Variants in TAFA5 observed in about 807,000 individuals in gnomAD.
TAFA5 encodes chemokine-like protein TAFA-5.
TAFA5 carries 6 observed loss-of-function variants against 15.3 expected under a neutral mutation model. The ratio of observed to expected loss-of-function variants is 0.39; its 90% CI spans 0.21 to 0.77. TAFA5 has a LOEUF of 0.77. Among genes scored for constraint, TAFA5 ranks in the 30% least tolerant of loss-of-function variants. The pLI, the probability that TAFA5 is intolerant of heterozygous loss-of-function variation, is 0.41. For synonymous variants in TAFA5, 103 were observed against 80.7 expected (o/e 1.28, Z -1.48); for missense variants, 161 against 193.1 (o/e 0.83, Z 0.98).
chr22:48,741,942 A>G (rs1930191325), intron 3 of TAFA5, among the ~76,000 whole-genome samples: 1 of 152,254 alleles, frequency 6.6e-6, no homozygotes, highest in Admixed American at 6.5e-5. Context: ...CAATAGAAAA[A>G]GTGCCCTGCA....
At position 48,735,943 on chromosome 22, in the gene TAFA5, CCTAGAGT is replaced by C. The variant is rs1276274625; in HGVS notation, c.391-13894_391-13888del. On this transcript the variant is annotated intron_variant, in intron 3 of 3. Transcript: ENST00000402357. ...CCCCAGGAGGAATGAGAATCGCACTCCTAGAGTCCAGAGTCCATCCCCCCAGGAGGAA... is the reference window on the plus strand; with the variant it reads ...CCCCAGGAGGAATGAGAATCGCACTCCCAGAGTCCATCCCCCCAGGAGGAA... Among the ~76,000 whole-genome samples, 26 of 148,748 alleles carry C rather than the reference CCTAGAGT, an allele frequency of 1.7e-4. 1 individual carries two copies. Among genetic ancestry groups the C allele is most frequent in the African/African-American group, 3.7e-4 (15 of 40,150 alleles).
chr22:48,584,802 CAA>C (rs1308642943), intron 1 of TAFA5, among the ~76,000 whole-genome samples: 1 of 150,366 alleles, frequency 6.7e-6, no homozygotes, highest in Admixed American at 6.6e-5. Flanking sequence ...ACTCACCACA[CAA>C]AATACAGCAC....
chr22:48,626,230 C>G (rs909379798), intron 1 of TAFA5, among the ~76,000 whole-genome samples: 3 of 152,156 alleles, frequency 2.0e-5, no homozygotes, highest in Admixed American at 6.6e-5. Flanking sequence ...ATTTTGGGAT[C>G]GTATGGTAAG....
chr22:48,623,293 C>T (rs1191434047), intron 1 of TAFA5, among the ~76,000 whole-genome samples: 1 of 133,322 alleles, frequency 7.5e-6, no homozygotes, highest in Non-Finnish European at 1.6e-5. Flanking sequence ...TCGCGTGGCC[C>T]TGCGCGGTGA....
chr22:48,569,222 C>T (rs1195520712), intron 1 of TAFA5, among the ~76,000 whole-genome samples: 6 of 152,148 alleles, frequency 3.9e-5, no homozygotes, highest in South Asian at 2.1e-4. Flanking sequence ...CCGGGGAGGA[C>T]GATGGATGCA....
At chr22:48,630,109 C>T (rs796339551) in intron 1 of TAFA5, among the ~76,000 whole-genome samples, 8 of 151,850 alleles carry the variant, frequency 5.3e-5, no homozygotes, top group African/African-American at 1.5e-4. Context: ...TGGGAGGCTG[C>T]GAATTCTAGA....
intron 2 of TAFA5, among the ~76,000 whole-genome samples, chr22:48,682,582 C>G (rs1172006400): frequency 6.6e-6 from 1 of 152,232 alleles, no homozygotes; most frequent in African/African-American, 2.4e-5. Flanking sequence ...ACCCTGACGT[C>G]ATTTGCATAT....
intron 3 of TAFA5, among the ~76,000 whole-genome samples, chr22:48,749,040 C>T (rs1334384644): frequency 1.3e-5 from 2 of 152,172 alleles, no homozygotes; most frequent in Admixed American, 1.3e-4. Flanking sequence ...CCTCTGCCTC[C>T]TGTTGAAGAG....
At chr22:48,680,949 C>A (rs1047652550) in intron 2 of TAFA5, among the ~76,000 whole-genome samples, 3 of 152,202 alleles carry the variant, frequency 2.0e-5, no homozygotes, top group Non-Finnish European at 4.4e-5. Flanking sequence ...AACCTGCGCT[C>A]CCACCACGGC....
At chr22:48,627,528 A>G (rs1020375081) in intron 1 of TAFA5, among the ~76,000 whole-genome samples, 7 of 152,354 alleles carry the variant, frequency 4.6e-5, no homozygotes, top group African/African-American at 1.7e-4. Flanking sequence ...CTGCCCCCCC[A>G]GGTAGTTCCA....
chr22:48,509,950 CAAAAAAAAAAAA>C (rs144036099), intron 1 of TAFA5, among the ~76,000 whole-genome samples: 1 of 91,274 alleles, frequency 1.1e-5, no homozygotes, highest in East Asian at 3.3e-4. Context: ...GAATCTGTCT[CAAAAAAAAAAAA>C]AAAGAAAAAG....
In TAFA5 at chr22:48,736,084, A is replaced by C. The variant is rs1269719299; in HGVS notation, c.391-13755A>C. Among the ~76,000 whole-genome samples the C allele has an allele frequency of 8.6e-4, 47 of 54,676 alleles. 2 individuals are homozygous for C. Among genetic ancestry groups the C allele is most frequent in the African/African-American group, 4.7e-3 (38 of 8,156 alleles). The allele number at this position is 54,676 out of a possible 152,430, so 35.9% of individuals were successfully genotyped here. On this transcript the variant is annotated intron_variant, in intron 3 of 3. Coordinates refer to ENST00000402357, the MANE Select transcript of TAFA5 (RefSeq NM_001082967.3). The stretch of plus-strand genomic sequence containing the variant: ...AATGAGAATCGCACTCCTAGAGTCC[A>C]TCCCCCCAGGAGGAATGAGAATCGC...
At chr22:48,675,550 C>T (rs946868373) in intron 2 of TAFA5, among the ~76,000 whole-genome samples, 2 of 152,242 alleles carry the variant, frequency 1.3e-5, no homozygotes, top group African/African-American at 4.8e-5. Flanking sequence ...GACAAGTGGA[C>T]CCCCCACCAG....
chr22:48,738,642 G>A (rs1930097795), intron 3 of TAFA5, among the ~76,000 whole-genome samples: 1 of 152,206 alleles, frequency 6.6e-6, no homozygotes, highest in Admixed American at 6.5e-5. Flanking sequence ...AGTGAGGGAG[G>A]CCATGATGTG....
intron 1 of TAFA5, among the ~76,000 whole-genome samples, chr22:48,604,649 G>A (rs79520784): frequency 0.062 from 9,434 of 152,270 alleles, 368 homozygotes; most frequent in Non-Finnish European, 0.089. Flanking sequence ...AGCACATCTG[G>A]GAGGTGTGCA....
At chr22:48,634,648 T>TTCACTCAC (rs113169485) in intron 1 of TAFA5, among the ~76,000 whole-genome samples, 1 of 150,848 alleles carries the variant, frequency 6.6e-6, no homozygotes, top group Admixed American at 6.6e-5. Flanking sequence ...TACTCAGTCA[T>TTCACTCAC]TCACTCACTC....
chr22:48,688,680 C>T (rs564979722), intron 2 of TAFA5, among the ~76,000 whole-genome samples: 1 of 152,256 alleles, frequency 6.6e-6, no homozygotes, highest in African/African-American at 2.4e-5. Context: ...TTCTGAGAAA[C>T]AGTGTGTCCT....
At chr22:48,683,583 G>A (rs1928262018) in intron 2 of TAFA5, among the ~76,000 whole-genome samples, 2 of 152,240 alleles carry the variant, frequency 1.3e-5, no homozygotes, top group South Asian at 4.1e-4. Context: ...TTCCTCCACG[G>A]CTCAGGAACA....
chr22:48,542,401 GCGTGTGTGGCGTGTGTGGTGTGT>G (rs1922446759), intron 1 of TAFA5, among the ~76,000 whole-genome samples: 2 of 122,760 alleles, frequency 1.6e-5, no homozygotes, highest in African/African-American at 6.4e-5. Flanking sequence ...GTGTGTGTGT[GCGTGTGTGGCGTGTGTGGTGTGT>G]ATGTGTGTGG....
Sources: allele counts gnomAD v4.1 joint callset (sites outside exome capture counted in the v4.1 genomes callset), GRCh38; gene constraint gnomAD v4.1.1; transcripts MANE v1.5; gene names NCBI Gene and HGNC (gene_info 2026-07-23, HGNC 2026-07-21).